The following TACR1 variants were observed in gnomAD, a reference collection of about 807,000 sequenced individuals.
The protein encoded by TACR1 is substance-P receptor.
A neutral mutation model predicts 35.8 loss-of-function variants in TACR1; 25 were observed. The ratio of observed to expected loss-of-function variants is 0.70; its 90% CI spans 0.51 to 0.98. The LOEUF (loss-of-function observed/expected upper bound fraction) is 0.98, where lower values mean the gene tolerates loss of function less well. TACR1 is among the 50% of genes least tolerant of loss of function. The pLI is 0.00. For synonymous variants in TACR1, 195 were observed against 206.7 expected (o/e 0.94, Z 0.48); for missense variants, 478 against 522.9 (o/e 0.91, Z 0.84).
intron 1 of TACR1, among the ~76,000 whole-genome samples, chr2:75,177,669 C>G (rs2104035517): frequency 6.6e-6 from 1 of 152,310 alleles, no homozygotes; most frequent in Middle Eastern, 3.4e-3. Context: ...CACCCACCAC[C>G]CTACAGTCAC....
chr2:75,113,845 TA>T (rs1673802009), intron 2 of TACR1, among the ~76,000 whole-genome samples: 1 of 152,124 alleles, frequency 6.6e-6, no homozygotes, highest in Non-Finnish European at 1.5e-5. Context: ...CATTTTTTTT[TA>T]AATTTGTAAA....
intron 2 of TACR1, among the ~76,000 whole-genome samples, chr2:75,071,094 T>C (rs1039559834): frequency 2.0e-5 from 3 of 152,184 alleles, no homozygotes; most frequent in Non-Finnish European, 2.9e-5. Flanking sequence ...TCTGTGGCTG[T>C]TTTCGTGCTC....
At chr2:75,191,061 T>C (rs1675832242) in intron 1 of TACR1, among the ~76,000 whole-genome samples, 2 of 152,206 alleles carry the variant, frequency 1.3e-5, no homozygotes. Flanking sequence ...ATAAAGCACC[T>C]CTTCATCTTT....
chr2:75,152,686 C>G (rs931996431), intron 1 of TACR1, among the ~76,000 whole-genome samples: 7 of 152,288 alleles, frequency 4.6e-5, no homozygotes, highest in African/African-American at 1.4e-4. Flanking sequence ...ATAGTAGATG[C>G]TCAATTAATG....
intron 1 of TACR1, among the ~76,000 whole-genome samples, chr2:75,184,725 A>C (rs1244741104): frequency 6.6e-6 from 1 of 151,302 alleles, no homozygotes; most frequent in African/African-American, 2.4e-5. Context: ...TTTATATACA[A>C]CATATGTGGT....
chr2:75,089,984 T>C (rs1380832333), intron 2 of TACR1, among the ~76,000 whole-genome samples: 2 of 152,158 alleles, frequency 1.3e-5, no homozygotes, highest in African/African-American at 2.4e-5. Flanking sequence ...ATCATCACCA[T>C]TCAACTAATT....
intron 2 of TACR1, among the ~76,000 whole-genome samples, chr2:75,077,391 C>G (rs1157569039): frequency 6.6e-6 from 1 of 152,166 alleles, no homozygotes; most frequent in East Asian, 1.9e-4. Flanking sequence ...ACCACCTTCT[C>G]CAGTGGGTAG....
intron 1 of TACR1, among the ~76,000 whole-genome samples, chr2:75,145,039 A>G (rs1674477932): frequency 6.6e-6 from 1 of 152,192 alleles, no homozygotes; most frequent in Admixed American, 6.5e-5. Flanking sequence ...ACACAGCCTG[A>G]GCGGAATAAG....
intron 2 of TACR1, among the ~76,000 whole-genome samples, chr2:75,067,024 G>A (rs1334931924): frequency 6.6e-6 from 1 of 152,182 alleles, no homozygotes; most frequent in Non-Finnish European, 1.5e-5. Context: ...GCTAATCTAT[G>A]CAATTGAGAC....
At chr2:75,120,458 G>A in intron 2 of TACR1, 116 bp downstream of exon 2, 1 of 957,400 alleles carries the variant, frequency 1.0e-6, no homozygotes, top group Non-Finnish European at 1.5e-6. Flanking sequence ...AATGCTTGCA[G>A]ATACACATTA....
At chr2:75,153,117 A>G (rs923199374) in intron 1 of TACR1, among the ~76,000 whole-genome samples, 15 of 152,122 alleles carry the variant, frequency 9.9e-5, no homozygotes, top group Non-Finnish European at 2.1e-4. Context: ...TGGCCAGGCT[A>G]GTCTTGAACT....
At chr2:75,099,841 T>C (rs1266290119) in intron 2 of TACR1, among the ~76,000 whole-genome samples, 1 of 152,170 alleles carries the variant, frequency 6.6e-6, no homozygotes, top group African/African-American at 2.4e-5. Context: ...GTCCCCAAGG[T>C]TGTAAATCCA....
intron 2 of TACR1, among the ~76,000 whole-genome samples, chr2:75,055,975 G>A (rs1228551601): frequency 6.6e-6 from 1 of 152,164 alleles, no homozygotes; most frequent in African/African-American, 2.4e-5. Context: ...GAATCACCAG[G>A]GAAACTTTTA....
intron 2 of TACR1, among the ~76,000 whole-genome samples, chr2:75,074,687 T>C (rs1672945646): frequency 6.6e-6 from 1 of 151,916 alleles, no homozygotes. Context: ...GCAGGGATTT[T>C]TTTTTTCTTC....
chr2:75,184,855 G>C (rs974788937), intron 1 of TACR1, among the ~76,000 whole-genome samples: 1 of 151,600 alleles, frequency 6.6e-6, no homozygotes, highest in Non-Finnish European at 1.5e-5. Context: ...CATATTAAAA[G>C]CTCGACTACA....
chr2:75,073,283 C>T (rs1432219194), intron 2 of TACR1, among the ~76,000 whole-genome samples: 1 of 152,216 alleles, frequency 6.6e-6, no homozygotes. Flanking sequence ...AAAGACAGCT[C>T]CCACATCTTT....
intron 1 of TACR1, among the ~76,000 whole-genome samples, chr2:75,181,314 T>C (rs1398835205): frequency 1.3e-5 from 2 of 152,124 alleles, no homozygotes; most frequent in Non-Finnish European, 2.9e-5. Flanking sequence ...CAAAATTTCC[T>C]TTAAAAACAT....
rs1467835088 is a variant in TACR1 at position 75,086,374 on chromosome 2, T to C, written c.585-32619A>G. Among the ~76,000 whole-genome samples, 3 of 152,238 alleles carry C rather than the reference T, an allele frequency of 2.0e-5. No individual in the cohort carries two copies. The East Asian group carries it at 5.8e-4, about 29-fold the overall frequency. On this transcript the variant is annotated intron_variant, in intron 2 of 4. Coordinates refer to ENST00000305249, the MANE Select transcript of TACR1 (RefSeq NM_001058.4). ...TTAAAACAGAATTTTAAATTACTTA[T>C]CACTGAGATAAGACAACTGTCTTGT...
chr2:75,161,451 A>G (rs1327466834), intron 1 of TACR1, among the ~76,000 whole-genome samples: 1 of 152,156 alleles, frequency 6.6e-6, no homozygotes, highest in African/African-American at 2.4e-5. Flanking sequence ...AGAAATACAT[A>G]CTAAAATGTT....
Sources: gnomAD v4.1 joint callset for allele counts (sites outside exome capture counted in the v4.1 genomes callset) on GRCh38, gnomAD v4.1.1 for gene constraint, MANE v1.5 for transcripts, NCBI Gene and HGNC (gene_info 2026-07-23, HGNC 2026-07-21) for gene names.